STAG1: variants seen among roughly 807,000 people sequenced by gnomAD.
STAG1 encodes cohesin subunit SA-1.
STAG1 carries 26 observed loss-of-function variants against 170.9 expected under a neutral mutation model. The ratio of observed to expected loss-of-function variants is 0.15; its 90% CI spans 0.11 to 0.21. The LOEUF is 0.21. Ranked by LOEUF, STAG1 falls within the 10% of genes least tolerant of loss-of-function variation. STAG1 has a pLI of 1.00. For synonymous variants in STAG1, 514 were observed against 497.7 expected, an observed-to-expected ratio of 1.03 and a Z score of -0.44; for missense variants, 964 against 1,509.5, an observed-to-expected ratio of 0.64 and a Z score of 5.99.
intron 23 of STAG1, 69 bp downstream of exon 23, chr3:136,377,591 G>A (rs1425458302): frequency 7.6e-7 from 1 of 1,320,076 alleles, no homozygotes; most frequent in Non-Finnish European, 1.1e-6. Flanking sequence ...ATAAAAAATT[G>A]TATCTTCTTA....
chr3:136,340,620 G>A lies in STAG1; in HGVS notation c.3558-15C>T, dbSNP rs761582261. On this transcript the variant is annotated splice_polypyrimidine_tract_variant and intron_variant, in intron 31 of 33. Coordinates refer to ENST00000383202, the MANE Select transcript of STAG1 (RefSeq NM_005862.3). ...TTAGACCCCGACTGGTAAGAAAAAGGTATTGTCAGAAAGCTCATCAGACTC... is the reference window on the plus strand; with the variant it reads ...TTAGACCCCGACTGGTAAGAAAAAGATATTGTCAGAAAGCTCATCAGACTC... 4 of 1,556,972 alleles carry A rather than the reference G, an allele frequency of 2.6e-6. No individual in the cohort carries two copies. Among genetic ancestry groups the A allele is most frequent in the South Asian group, 2.2e-5 (2 of 89,884 alleles).
intron 13 of STAG1, among the ~76,000 whole-genome samples, chr3:136,462,809 G>C (rs1487668516): frequency 6.6e-6 from 1 of 151,950 alleles, no homozygotes; most frequent in Non-Finnish European, 1.5e-5. Flanking sequence ...ATTTTTAAAA[G>C]TATAAAAAAT....
chr3:136,444,244 T>C lies in STAG1; in HGVS notation c.1429-840A>G, dbSNP rs539361607. Reference sequence around the variant, plus strand: ...CCACGCCACCATGCCTGGCTAACTTTCGTATTTTTGGTAGAGATGGGGTTT... The same window carrying C: ...CCACGCCACCATGCCTGGCTAACTTCCGTATTTTTGGTAGAGATGGGGTTT... On this transcript the variant is annotated intron_variant, in intron 14 of 33. Transcript: ENST00000383202. Among the ~76,000 whole-genome samples, 178 of 152,306 alleles carry C rather than the reference T, an allele frequency of 1.2e-3. 1 individual carries two copies. The highest frequency in any genetic ancestry group is 4.0e-3 in the African/African-American group (168 of 41,568).
intron 20 of STAG1, among the ~76,000 whole-genome samples, chr3:136,419,070 G>C (rs2087867517): frequency 6.6e-6 from 1 of 152,174 alleles, no homozygotes; most frequent in Non-Finnish European, 1.5e-5. Flanking sequence ...AAATGGGAAA[G>C]CTCAAAAACT....
At chr3:136,724,354 T>C (rs990026067) in intron 1 of STAG1, among the ~76,000 whole-genome samples, 8 of 151,564 alleles carry the variant, frequency 5.3e-5, no homozygotes, top group Non-Finnish European at 8.8e-5. Flanking sequence ...CAGGGTTAAA[T>C]GGATTAAGGG....
intron 5 of STAG1, among the ~76,000 whole-genome samples, chr3:136,557,165 G>C (rs1477342881): frequency 1.3e-5 from 2 of 152,044 alleles, no homozygotes; most frequent in South Asian, 4.1e-4. Flanking sequence ...TAAGCCCAGG[G>C]AGGTTGAGGC....
intron 21 of STAG1, among the ~76,000 whole-genome samples, chr3:136,407,771 A>G (rs866936360): frequency 6.6e-6 from 1 of 151,850 alleles, no homozygotes. Flanking sequence ...CTGTATTTTA[A>G]TTTAAAAAGC....
At chr3:136,341,403 AGTT>A (rs761406839) in intron 31 of STAG1, 35 bp downstream of exon 31, 27 of 1,302,296 alleles carry the variant, frequency 2.1e-5, no homozygotes, top group South Asian at 9.8e-5. Context: ...GGCATCACAT[AGTT>A]GTTATGTTCT....
At chr3:136,468,809 C>T (rs1016558232) in intron 12 of STAG1, among the ~76,000 whole-genome samples, 5 of 152,184 alleles carry the variant, frequency 3.3e-5, no homozygotes, top group African/African-American at 9.6e-5. Context: ...GGCTTCATCC[C>T]TGGGATGCAA....
Position 136,604,476 on chromosome 3 carries a change from GA to G in STAG1, c.133-4del. ...TTTCGAGGTTTCTTATTTGTAGACT[GA>G]AAAAAAGATAAAAAAAGATTCCATT... On this transcript the variant is annotated splice_region_variant and splice_polypyrimidine_tract_variant and intron_variant, in intron 3 of 33. Transcript: ENST00000383202. 1.3e-5 allele frequency: 21 copies of G among 1,580,846 alleles called. No homozygotes were observed. Among genetic ancestry groups the G allele is most frequent in the Non-Finnish European group, 1.8e-5 (21 of 1,169,426 alleles).
chr3:136,527,410 C>T (rs914225346), intron 6 of STAG1, among the ~76,000 whole-genome samples: 8 of 152,176 alleles, frequency 5.3e-5, no homozygotes, highest in Non-Finnish European at 8.8e-5. Flanking sequence ...GTGCATTTGT[C>T]ACGTAGTTCT....
At chr3:136,723,741 G>A (rs1321006795) in intron 1 of STAG1, among the ~76,000 whole-genome samples, 11 of 145,662 alleles carry the variant, frequency 7.6e-5, no homozygotes, top group African/African-American at 2.8e-4. Flanking sequence ...TGGAAGTGAG[G>A]AGCCCCTCTG....
In STAG1 at chr3:136,459,874, T is replaced by C. The variant is rs570654323; in HGVS notation, c.1313+5007A>G. On this transcript the variant is annotated intron_variant, in intron 13 of 33. Coordinates refer to ENST00000383202, the MANE Select transcript of STAG1 (RefSeq NM_005862.3). Reference sequence around the variant, plus strand: ...GCTAAAGCAGTTCTAAAGGAAAGTTTATACCAATAAGTATCTATATCAAAA... The same window carrying C: ...GCTAAAGCAGTTCTAAAGGAAAGTTCATACCAATAAGTATCTATATCAAAA... Among the ~76,000 whole-genome samples, 3 of 152,278 alleles carry C rather than the reference T, an allele frequency of 2.0e-5. No individual in the cohort carries two copies. The South Asian group carries it at 6.2e-4, about 32-fold the overall frequency.
chr3:136,572,580 G>C (rs1211333192), intron 4 of STAG1, among the ~76,000 whole-genome samples: 1 of 143,542 alleles, frequency 7.0e-6, no homozygotes, highest in African/African-American at 2.7e-5. Context: ...CTGCAGCCTG[G>C]GTGACAGAGC....
chr3:136,386,539 A>G (rs1163913851), intron 22 of STAG1, among the ~76,000 whole-genome samples: 1 of 152,192 alleles, frequency 6.6e-6, no homozygotes, highest in Non-Finnish European at 1.5e-5. Flanking sequence ...GACCCATAAC[A>G]GCAAACTGTA....
intron 1 of STAG1, among the ~76,000 whole-genome samples, chr3:136,707,747 T>C (rs1268491210): frequency 1.3e-5 from 2 of 152,168 alleles, no homozygotes; most frequent in Non-Finnish European, 2.9e-5. Context: ...CAACACACTC[T>C]TGCCGGAATT....
At chr3:136,602,728 G>A (rs1212967194) in intron 4 of STAG1, among the ~76,000 whole-genome samples, 1 of 151,944 alleles carries the variant, frequency 6.6e-6, no homozygotes, top group African/African-American at 2.4e-5. Context: ...GCACACACCT[G>A]TAATCCCAGC....
intron 10 of STAG1, among the ~76,000 whole-genome samples, chr3:136,474,092 A>C (rs2089687374): frequency 6.6e-6 from 1 of 152,214 alleles, no homozygotes; most frequent in Admixed American, 6.5e-5. Context: ...GCAGTTAGCA[A>C]AACAGAAATA....
At chr3:136,720,697 G>A (rs945738964) in intron 1 of STAG1, among the ~76,000 whole-genome samples, 5 of 152,034 alleles carry the variant, frequency 3.3e-5, no homozygotes, top group African/African-American at 9.7e-5. Context: ...GTTGAGGCAG[G>A]AGAATCACTA....
Sources: gnomAD v4.1 joint callset for allele counts (sites outside exome capture counted in the v4.1 genomes callset) on GRCh38, gnomAD v4.1.1 for gene constraint, MANE v1.5 for transcripts, NCBI Gene and HGNC (gene_info 2026-07-23, HGNC 2026-07-21) for gene names.